Variants in RBM47 observed in about 807,000 individuals in gnomAD.
RBM47 encodes the protein RNA-binding protein 47.
RBM47 carries 21 observed loss-of-function variants against 47.1 expected under a neutral mutation model. The observed-to-expected ratio is 0.45, with a 90% CI of 0.32 to 0.64. RBM47 has a LOEUF of 0.64. RBM47 is among the 30% of genes least tolerant of loss of function. The pLI is 0.05. For missense variants in RBM47, 708 were observed against 870.9 expected, an observed-to-expected ratio of 0.81 and a Z score of 2.35; for synonymous variants, 375 against 361.7, an observed-to-expected ratio of 1.04 and a Z score of -0.42.
At chr4:40,426,185 A>C (rs752148276) in intron 6 of RBM47, 42 bp from the exon 7 acceptor site, 1 of 1,592,274 alleles carries the variant, frequency 6.3e-7, no homozygotes, top group Non-Finnish European at 8.6e-7. Context: ...GAACACGTGT[A>C]TGTACCTATC....
At chr4:40,555,225 C>T (rs536072170) in intron 1 of RBM47, among the ~76,000 whole-genome samples, 2 of 152,208 alleles carry the variant, frequency 1.3e-5, no homozygotes, top group East Asian at 1.9e-4. Context: ...AGCCACCACA[C>T]CCGGCTTAAT....
chr4:40,431,689 C>G (rs1716092741), intron 6 of RBM47, among the ~76,000 whole-genome samples: 1 of 149,262 alleles, frequency 6.7e-6, no homozygotes, highest in South Asian at 2.1e-4. Flanking sequence ...GAAAATTTAT[C>G]TAGGAGGTGG....
At chr4:40,469,609 G>A (rs2154235295) in intron 2 of RBM47, among the ~76,000 whole-genome samples, 1 of 151,276 alleles carries the variant, frequency 6.6e-6, no homozygotes, top group Non-Finnish European at 1.5e-5. Flanking sequence ...AATTTTGGGA[G>A]GCCGAGGCCA....
intron 1 of RBM47, among the ~76,000 whole-genome samples, chr4:40,593,992 C>A (rs981393496): frequency 2.7e-4 from 41 of 152,058 alleles, no homozygotes; most frequent in African/African-American, 9.6e-4. Flanking sequence ...GCAGAGGTTG[C>A]AGTGAGCTGA....
Position 40,423,567 on chromosome 4 carries a change from T to C in RBM47, c.*2337A>G, listed in dbSNP as rs577648090. 1.7e-4 allele frequency: 26 copies of C among 152,288 alleles called. No homozygotes were observed. The highest frequency in any genetic ancestry group is 6.0e-4 in the African/African-American group (25 of 41,586). 9.4% of individuals were successfully genotyped at this position (152,288 alleles called of 1,614,324 possible). On this transcript the variant is annotated 3_prime_UTR_variant, in exon 7 of 7. Transcript: ENST00000295971. ...AAGTCCCAGATAGGAGGCTCACTGA[T>C]ACTTAATTGGCCATGTCACCAATGT... is the stretch of plus-strand genomic sequence containing the variant.
chr4:40,552,325 G>A (rs1729639769), intron 1 of RBM47, among the ~76,000 whole-genome samples: 1 of 152,104 alleles, frequency 6.6e-6, no homozygotes, highest in Non-Finnish European at 1.5e-5. Context: ...TTGAACCTGG[G>A]AGGTGGAGGT....
intron 1 of RBM47, among the ~76,000 whole-genome samples, chr4:40,587,686 G>A (rs1733723310): frequency 6.6e-6 from 1 of 152,118 alleles, no homozygotes; most frequent in Non-Finnish European, 1.5e-5. Context: ...CCTGAGCCTT[G>A]GTTTCTCTAT....
rs35856007 is a variant in RBM47, at chr4:40,502,986, CAAAAAAAA to C, written c.-154-36295_-154-36288del. Among the ~76,000 whole-genome samples the C allele has an allele frequency of 3.5e-5, 3 of 86,480 alleles. No individual in the cohort carries two copies. In the South Asian group the frequency reaches 1.4e-3, roughly 40 times the overall value. 56.7% of individuals were successfully genotyped at this position (86,480 alleles called of 152,430 possible). A position where few individuals can be genotyped will look rare whatever the true frequency, so the allele number is the denominator to read the frequency against. On this transcript the variant is annotated intron_variant, in intron 2 of 6. Transcript: ENST00000295971. ...GTAACATTGTACAACCCTGTCTGTA[CAAAAAAAA>C]AAAAAAAAAAGAATGGAAAAAGAAA... is the stretch of plus-strand genomic sequence containing the variant.
intron 1 of RBM47, among the ~76,000 whole-genome samples, chr4:40,583,852 C>T (rs1247250778): frequency 5.8e-5 from 6 of 104,262 alleles, no homozygotes; most frequent in African/African-American, 1.9e-4. Context: ...AGCGAGACTC[C>T]GTCTCAAAAA....
At chr4:40,611,160 A>T (rs542810028) in intron 1 of RBM47, among the ~76,000 whole-genome samples, 3 of 152,302 alleles carry the variant, frequency 2.0e-5, no homozygotes, top group South Asian at 4.1e-4. Context: ...CATGGGACTC[A>T]TTTTTAATGC....
chr4:40,455,069 C>T (rs985804127), intron 3 of RBM47, among the ~76,000 whole-genome samples: 1 of 152,164 alleles, frequency 6.6e-6, no homozygotes, highest in Non-Finnish European at 1.5e-5. Flanking sequence ...TACTTTCTAC[C>T]ATCCCCATCG....
At chr4:40,485,260 C>T (rs1244886803) in intron 2 of RBM47, among the ~76,000 whole-genome samples, 9 of 152,136 alleles carry the variant, frequency 5.9e-5, no homozygotes, top group Non-Finnish European at 1.0e-4. Context: ...AGCCATAAGT[C>T]ATAAGATAAT....
intron 2 of RBM47, among the ~76,000 whole-genome samples, chr4:40,507,734 C>T (rs140875701): frequency 0.01 from 1,539 of 151,632 alleles, 13 homozygotes; most frequent in Non-Finnish European, 0.016. Flanking sequence ...TGCAGTGACC[C>T]GAGATCGCGC....
chr4:40,541,349 T>C (rs541289732), intron 2 of RBM47, among the ~76,000 whole-genome samples: 139 of 151,998 alleles, frequency 9.1e-4, no homozygotes, highest in Non-Finnish European at 1.5e-3. Flanking sequence ...GGAATTAGGG[T>C]TCCTTTTGTG....
At chr4:40,497,243 C>T (rs562620211) in intron 2 of RBM47, among the ~76,000 whole-genome samples, 1 of 152,184 alleles carries the variant, frequency 6.6e-6, no homozygotes, top group African/African-American at 2.4e-5. Context: ...TTACTTTTTT[C>T]CTGCTTTTGA....
intron 1 of RBM47, among the ~76,000 whole-genome samples, chr4:40,610,469 G>A (rs971106746): frequency 1.3e-5 from 2 of 151,872 alleles, no homozygotes; most frequent in Non-Finnish European, 2.9e-5. Flanking sequence ...AATTAGCCAG[G>A]CTCGGTGGCG....
chr4:40,622,467 G>A (rs1045481588), intron 1 of RBM47, among the ~76,000 whole-genome samples: 18 of 152,332 alleles, frequency 1.2e-4, no homozygotes, highest in African/African-American at 3.8e-4. Flanking sequence ...GTGTGTGGTA[G>A]CAGGCGAGGT....
intron 3 of RBM47, among the ~76,000 whole-genome samples, chr4:40,457,430 A>AC (rs1173714877): frequency 6.6e-6 from 1 of 151,500 alleles, no homozygotes; most frequent in Non-Finnish European, 1.5e-5. Flanking sequence ...CTCAAAAAAA[A>AC]AAAAAAAACA....
chr4:40,477,889 C>T (rs973220446), intron 2 of RBM47, among the ~76,000 whole-genome samples: 3 of 151,738 alleles, frequency 2.0e-5, no homozygotes, highest in Non-Finnish European at 4.4e-5. Flanking sequence ...GAAAAGTACA[C>T]AGAAAAAGCA....
Sources: allele counts gnomAD v4.1 joint callset (sites outside exome capture counted in the v4.1 genomes callset), GRCh38; gene constraint gnomAD v4.1.1; transcripts MANE v1.5; gene names NCBI Gene and HGNC (gene_info 2026-07-23, HGNC 2026-07-21).